The following SENP1 variants were observed in gnomAD, a reference collection of about 807,000 sequenced individuals.
The protein encoded by SENP1 is SUMO specific peptidase 1.
SENP1 carries 21 observed loss-of-function variants against 93.0 expected under a neutral mutation model. The ratio of observed to expected loss-of-function variants is 0.23; its 90% CI spans 0.16 to 0.33. SENP1 has a LOEUF of 0.33. SENP1 is among the 10% of genes least tolerant of loss of function. The probability of loss-of-function intolerance (pLI) is 1.00; values close to 1 mark genes in which losing one functional copy is unlikely to be tolerated. For synonymous variants in SENP1, 256 were observed against 259.6 expected, an observed-to-expected ratio of 0.99 and a Z score of 0.13; for missense variants, 591 against 758.7, an observed-to-expected ratio of 0.78 and a Z score of 2.60.
rs754643674 is a variant in SENP1, at chr12:48,071,673, G to A, written c.989C>T (p.Thr330Ile). ...LLKVKDSQTP[T>I]PSSTFFQAEL... Reference sequence around the variant, plus strand: ...AGCTTTTTCCAAAGTTTACCTGGGAGTTGGAGTCTGGGAATCTTTCACTTT... The same window carrying A: ...AGCTTTTTCCAAAGTTTACCTGGGAATTGGAGTCTGGGAATCTTTCACTTT... Residue 330 changes from threonine (T) to isoleucine (I), a missense_variant, in exon 9 of 18, where the codon ACT becomes ATT. Thr to Ile is a moderately conservative substitution (Grantham distance 89). Around this residue, in one of 4 missense-constraint regions of SENP1, gnomAD observed 238 missense variants for 259.1 expected, o/e 0.92. Transcript: ENST00000549518. 3 of 1,602,740 alleles carry A rather than the reference G, an allele frequency of 1.9e-6. No homozygotes were observed. The South Asian group carries it at 3.3e-5, about 18-fold the overall frequency.
rs533359292 is a variant in SENP1 at position 48,068,040 on chromosome 12, T to C, written c.996-1075A>G. ...CACACCTGGCTAATTTTTTCTTTTTTTTATTTTTATTTTAGTAGAGACGAG... is the reference window on the plus strand; with the variant it reads ...CACACCTGGCTAATTTTTTCTTTTTCTTATTTTTATTTTAGTAGAGACGAG... On this transcript the variant is annotated intron_variant, in intron 9 of 17. Coordinates refer to ENST00000549518, the MANE Select transcript of SENP1 (RefSeq NM_001267594.2). Among the ~76,000 whole-genome samples the C allele has an allele frequency of 3.9e-5, 6 of 152,190 alleles. No individual in the cohort carries two copies. In the East Asian group the frequency reaches 7.7e-4, roughly 20 times the overall value.
At position 48,065,618 on chromosome 12, in the gene SENP1, A is replaced by G; in HGVS notation, c.1097T>C (p.Leu366Ser). 6.4e-7 allele frequency: 1 copy of G among 1,559,092 alleles called. No homozygotes were observed. Among genetic ancestry groups the G allele is most frequent in the Non-Finnish European group, 8.7e-7 (1 of 1,149,568 alleles). The change falls in exon 11 of 18, where the codon TTG becomes TCG. Residue 366 changes from leucine to serine, a missense_variant. Coordinates refer to ENST00000549518, the MANE Select transcript of SENP1 (RefSeq NM_001267594.2). The stretch of plus-strand genomic sequence containing the variant: ...TACCTGGTTTTGAAGCTGTAAGGCC[A>G]ATGCCTTCTGTTCTTCAATCTGGCG... ...RLRQIEEQKA[L>S]ALQLQNQRLQ...
intron 1 of SENP1, among the ~76,000 whole-genome samples, chr12:48,103,048 G>GA (rs1369416146): frequency 2.0e-5 from 3 of 152,160 alleles, no homozygotes; most frequent in East Asian, 1.9e-4. Flanking sequence ...GATTAAGGGG[G>GA]AAAAAATCTT....
chr12:48,070,557 T>C (rs1490780690), intron 9 of SENP1, among the ~76,000 whole-genome samples: 3 of 152,184 alleles, frequency 2.0e-5, no homozygotes, highest in Admixed American at 1.3e-4. Context: ...TTCCCTATTA[T>C]CCTCAATATT....
intron 11 of SENP1, 137 bp from the exon 12 acceptor site, chr12:48,065,357 A>T (rs1943229061): frequency 1.4e-6 from 1 of 736,762 alleles, no homozygotes; most frequent in African/African-American, 1.8e-5. Context: ...GCTTTTTTGT[A>T]AAGTCAAAAA....
intron 4 of SENP1, among the ~76,000 whole-genome samples, chr12:48,093,280 GTTTT>G (rs374804144): frequency 2.1e-4 from 26 of 126,494 alleles, no homozygotes; most frequent in East Asian, 4.7e-4. Context: ...TTCAGGTGAG[GTTTT>G]TTTTTTTTTT....
intron 6 of SENP1, among the ~76,000 whole-genome samples, chr12:48,079,453 C>G (rs527978854): frequency 6.6e-6 from 1 of 151,072 alleles, no homozygotes; most frequent in Non-Finnish European, 1.5e-5. Context: ...GAGCCGAGAT[C>G]GCGCCACTGC....
chr12:48,097,761 A>G, intron 3 of SENP1: 1 of 355,654 alleles, frequency 2.8e-6, no homozygotes, highest in Non-Finnish European at 5.1e-6. Flanking sequence ...CAGAGGAACA[A>G]TGAGTTTTCT....
intron 5 of SENP1, among the ~76,000 whole-genome samples, chr12:48,084,450 T>TTTTG (rs1285942606): frequency 1.8e-5 from 2 of 112,502 alleles, no homozygotes; most frequent in Non-Finnish European, 3.7e-5. Flanking sequence ...ATTTTGAGTT[T>TTTTG]TTTTTTTTTT....
chr12:48,061,611 T>C (rs939476059), intron 13 of SENP1, among the ~76,000 whole-genome samples: 4 of 152,190 alleles, frequency 2.6e-5, no homozygotes, highest in African/African-American at 9.7e-5. Context: ...TCTTGCTATG[T>C]TGCCCAGGCT....
At chr12:48,046,572 G>A (rs1250718991) in intron 16 of SENP1, 121 bp from the exon 17 acceptor site, 1 of 728,834 alleles carries the variant, frequency 1.4e-6, no homozygotes. Context: ...AGATGACTCT[G>A]GCCCCCCAGT....
chr12:48,049,239 G>A, intron 13 of SENP1, 107 bp from the exon 14 acceptor site: 1 of 804,260 alleles, frequency 1.2e-6, no homozygotes, highest in Non-Finnish European at 2.0e-6. Flanking sequence ...CTAATAAACT[G>A]AATTAAGTCT....
At chr12:48,077,340 GC>G (rs1944166941) in intron 6 of SENP1, among the ~76,000 whole-genome samples, 1 of 152,140 alleles carries the variant, frequency 6.6e-6, no homozygotes, top group African/African-American at 2.4e-5. Flanking sequence ...AAAAATCAGT[GC>G]CAAGACCACT....
intron 13 of SENP1, among the ~76,000 whole-genome samples, chr12:48,049,477 C>T (rs948569376): frequency 6.6e-6 from 1 of 152,178 alleles, no homozygotes; most frequent in African/African-American, 2.4e-5. Flanking sequence ...GGAAGGCATG[C>T]AAGCAGTTTA....
At chr12:48,081,848 G>A (rs1944513310) in intron 6 of SENP1, among the ~76,000 whole-genome samples, 1 of 151,674 alleles carries the variant, frequency 6.6e-6, no homozygotes, top group Non-Finnish European at 1.5e-5. Context: ...TTGTACATGA[G>A]CCACCATGCC....
intron 12 of SENP1, 104 bp downstream of exon 12, chr12:48,064,961 G>A: frequency 1.2e-6 from 1 of 810,784 alleles, no homozygotes; most frequent in Non-Finnish European, 2.0e-6. Flanking sequence ...ACAGGCGTGA[G>A]CCACCGTGCC....
In SENP1 at chr12:48,078,334, T is replaced by TATACACACAC; in HGVS notation, c.553-3542_553-3541insGTGTGTGTAT. On this transcript the variant is annotated intron_variant, in intron 6 of 17. Transcript: ENST00000549518. ...GTAGGATTTTATATATATATATATA[T>TATACACACAC]ACACACACATATATATATACACACA... Among the ~76,000 whole-genome samples, 3 of 67,896 alleles carry TATACACACAC rather than the reference T, an allele frequency of 4.4e-5. 1 individual carries two copies. The highest frequency in any genetic ancestry group is 1.5e-4 in the African/African-American group (3 of 20,562). 44.5% of individuals were successfully genotyped at this position (67,896 alleles called of 152,430 possible). A position where few individuals can be genotyped will look rare whatever the true frequency, so the allele number is the denominator to read the frequency against.
At chr12:48,071,508 C>A (rs1206988594) in intron 9 of SENP1, among the ~76,000 whole-genome samples, 159 bp downstream of exon 9, 2 of 152,060 alleles carry the variant, frequency 1.3e-5, no homozygotes, top group African/African-American at 2.4e-5. Flanking sequence ...CCTAGCTACT[C>A]GGGAGGCTGA....
intron 13 of SENP1, chr12:48,055,643 G>A (rs1942186625): frequency 6.6e-6 from 1 of 151,888 alleles, no homozygotes; most frequent in Non-Finnish European, 1.5e-5. Flanking sequence ...CACTTGAAAT[G>A]TGACTAATCC....
Sources: gnomAD v4.1 joint callset for allele counts (sites outside exome capture counted in the v4.1 genomes callset) on GRCh38, gnomAD v4.1.1 for gene constraint, gnomAD v4.1.1 regional missense constraint, MANE v1.5 for transcripts, NCBI Gene and HGNC (gene_info 2026-07-23, HGNC 2026-07-21) for gene names.